Variants in SUZ12 observed in about 807,000 individuals in gnomAD.
SUZ12 encodes the protein SUZ12 polycomb repressive complex 2 subunit.
SUZ12 carries 17 observed loss-of-function variants against 87.3 expected under a neutral mutation model. That is an observed-to-expected ratio of 0.19 (90% CI 0.13 to 0.29). SUZ12 has a LOEUF of 0.29. SUZ12 is among the 10% of genes least tolerant of loss of function. The pLI is 1.00. For synonymous variants in SUZ12, 253 were observed against 312.4 expected, an observed-to-expected ratio of 0.81 and a Z score of 2.01; for missense variants, 526 against 912.2, an observed-to-expected ratio of 0.58 and a Z score of 5.45.
At chr17:31,953,500 T>C (rs1486796485) in intron 4 of SUZ12, among the ~76,000 whole-genome samples, 1 of 152,136 alleles carries the variant, frequency 6.6e-6, no homozygotes, top group Non-Finnish European at 1.5e-5. Context: ...ATTGAACTTG[T>C]GGACTAAAGG....
chr17:31,995,774 T>C lies in SUZ12; in HGVS notation c.1794+12T>C, dbSNP rs1567839887. ...AAAAAACCATTACAGTAATTATTAT[T>C]ATCTTTATTGGCAATTATCTTGGAA... is the stretch of plus-strand genomic sequence containing the variant. On this transcript the variant is annotated intron_variant, in intron 14 of 15. Transcript: ENST00000322652. 1.3e-6 allele frequency: 2 copies of C among 1,566,844 alleles called. No individual in the cohort carries two copies. The highest frequency in any genetic ancestry group is 1.7e-4 in the Middle Eastern group (1 of 5,968).
chr17:31,982,231 T>C (rs1445717585), intron 8 of SUZ12, among the ~76,000 whole-genome samples: 2 of 152,180 alleles, frequency 1.3e-5, no homozygotes, highest in South Asian at 4.1e-4. Context: ...GATTCGTCAT[T>C]ATAATAATCA....
Position 31,954,403 on chromosome 17 carries a change from T to C in SUZ12, c.455+6718T>C, listed in dbSNP as rs139355244. Among the ~76,000 whole-genome samples, 789 of 152,244 alleles carry C rather than the reference T, an allele frequency of 5.2e-3. 5 individuals carry two copies. Among genetic ancestry groups the C allele is most frequent in the African/African-American group, 0.018 (731 of 41,564 alleles). On this transcript the variant is annotated intron_variant, in intron 4 of 15. Transcript: ENST00000322652. Reference sequence around the variant, plus strand: ...AACCTAAGCTTTTGAATTAGTAACCTTCCTTTTCTAAACCTCCCCCTTTTT... The same window carrying C: ...AACCTAAGCTTTTGAATTAGTAACCCTCCTTTTCTAAACCTCCCCCTTTTT...
chr17:31,956,705 C>T (rs1907360274), intron 4 of SUZ12, among the ~76,000 whole-genome samples: 2 of 152,024 alleles, frequency 1.3e-5, no homozygotes, highest in South Asian at 4.1e-4. Context: ...GTAAAAAAGT[C>T]ATTAAATTCT....
chr17:31,973,063 G>A, intron 5 of SUZ12, 83 bp from the exon 6 acceptor site: 1 of 1,306,238 alleles, frequency 7.7e-7, no homozygotes, highest in Non-Finnish European at 1.0e-6. Flanking sequence ...ATCTCTGTTT[G>A]AAGTTCCCTG....
intron 4 of SUZ12, among the ~76,000 whole-genome samples, chr17:31,949,705 T>TTTTTTTTTTTTTTTTTTTTTTAGTA (rs1367680305): frequency 1.0e-5 from 1 of 96,504 alleles, no homozygotes; most frequent in African/African-American, 4.1e-5. Flanking sequence ...TTTTTTTTTT[T>TTTTTTTTTTTTTTTTTTTTTTAGTA]GAGACCAAGT....
intron 4 of SUZ12, among the ~76,000 whole-genome samples, chr17:31,965,029 C>T (rs1320555359): frequency 6.6e-6 from 1 of 152,010 alleles, no homozygotes; most frequent in Middle Eastern, 3.2e-3. Flanking sequence ...AGGGCAACCT[C>T]TTCATAATAT....
chr17:31,960,271 T>C (rs184830760), intron 4 of SUZ12, among the ~76,000 whole-genome samples: 59 of 152,182 alleles, frequency 3.9e-4, no homozygotes, highest in African/African-American at 1.2e-3. Flanking sequence ...AGTGCAGTGA[T>C]GCAATCTCGG....
chr17:32,000,774 A>G lies in SUZ12; in HGVS notation c.*1771A>G, dbSNP rs567073047. On this transcript the variant is annotated 3_prime_UTR_variant, in exon 16 of 16. Transcript: ENST00000322652. ...AAAAAGTTGGTGATTCCCACCCCAAATAGTAATAAAATTACTTCTGTTGAG... is the reference window on the plus strand; with the variant it reads ...AAAAAGTTGGTGATTCCCACCCCAAGTAGTAATAAAATTACTTCTGTTGAG... The G allele has an allele frequency of 1.6e-4, 38 of 231,032 alleles. No individual in the cohort carries two copies. Among genetic ancestry groups the G allele is most frequent in the Non-Finnish European group, 2.3e-4 (27 of 116,472 alleles). The allele number at this position is 231,032 out of a possible 1,614,324, so 14.3% of individuals were successfully genotyped here.
chr17:31,986,655 G>A (rs763360731), intron 9 of SUZ12, among the ~76,000 whole-genome samples: 33 of 151,824 alleles, frequency 2.2e-4, no homozygotes, highest in Non-Finnish European at 3.8e-4. Context: ...GAGTTCAAGC[G>A]ATTCTCCTGC....
At chr17:31,976,225 A>AT (rs1468629925) in intron 7 of SUZ12, among the ~76,000 whole-genome samples, 1 of 152,246 alleles carries the variant, frequency 6.6e-6, no homozygotes, top group African/African-American at 2.4e-5. Context: ...TTTGACTCGA[A>AT]GTATTGTTTG....
At chr17:31,967,080 T>G (rs550800442) in intron 5 of SUZ12, 3 of 151,996 alleles carry the variant, frequency 2.0e-5, no homozygotes, top group Non-Finnish European at 4.4e-5. Flanking sequence ...GTGCCTGTAG[T>G]CCCAGTTACT....
rs1054587458 is a variant in SUZ12, at chr17:31,989,067, CA to C, written c.1201+578del. On this transcript the variant is annotated intron_variant, in intron 10 of 15. Transcript: ENST00000322652. ...TGGGAGACAGAGCAATACTCCATCT[CA>C]AAAAAAATAAATAAAAGTAAGTCAA... Among the ~76,000 whole-genome samples the C allele has an allele frequency of 2.6e-4, 39 of 150,490 alleles. 1 individual carries two copies. The East Asian group carries it at 7.0e-3, about 27-fold the overall frequency.
chr17:31,995,844 T>G (rs2142217776), intron 14 of SUZ12, 82 bp downstream of exon 14: 1 of 1,023,236 alleles, frequency 9.8e-7, no homozygotes, highest in South Asian at 1.6e-5. Context: ...TAGACTTTTA[T>G]TGTAAAGGAA....
intron 4 of SUZ12, among the ~76,000 whole-genome samples, chr17:31,950,583 CTG>C (rs951657372): frequency 3.3e-5 from 5 of 152,018 alleles, no homozygotes; most frequent in African/African-American, 1.2e-4. Flanking sequence ...ACTTGGGTGA[CTG>C]AGGCAGGAGA....
intron 4 of SUZ12, among the ~76,000 whole-genome samples, chr17:31,964,745 C>T (rs1434192463): frequency 6.6e-6 from 1 of 152,116 alleles, no homozygotes; most frequent in Non-Finnish European, 1.5e-5. Flanking sequence ...TGGCCTACTT[C>T]ACTAAGTAGA....
intron 3 of SUZ12, among the ~76,000 whole-genome samples, chr17:31,943,438 C>A (rs1015923972): frequency 6.6e-6 from 1 of 152,094 alleles, no homozygotes; most frequent in Non-Finnish European, 1.5e-5. Flanking sequence ...TAAGATAGAA[C>A]ATTTTGTAAT....
intron 8 of SUZ12, among the ~76,000 whole-genome samples, chr17:31,980,895 A>T (rs1243740794): frequency 6.6e-6 from 1 of 152,116 alleles, no homozygotes; most frequent in Non-Finnish European, 1.5e-5. Flanking sequence ...GGCTGAGTGC[A>T]GTGGCTCACA....
At chr17:31,982,845 G>A (rs1289054776) in intron 8 of SUZ12, among the ~76,000 whole-genome samples, 154 bp from the exon 9 acceptor site, 1 of 152,136 alleles carries the variant, frequency 6.6e-6, no homozygotes, top group East Asian at 1.9e-4. Context: ...CTTTCATCAG[G>A]ACTGGAGTGT....
Sources: allele counts gnomAD v4.1 joint callset (sites outside exome capture counted in the v4.1 genomes callset), GRCh38; gene constraint gnomAD v4.1.1; transcripts MANE v1.5; gene names NCBI Gene and HGNC (gene_info 2026-07-23, HGNC 2026-07-21).